The following C11orf97 variants were observed in gnomAD, a reference collection of about 807,000 sequenced individuals.
The protein encoded by C11orf97 is chromosome 11 open reading frame 97.
Under a neutral mutation model 16.2 loss-of-function variants are expected in C11orf97, and 15 were observed. That is an observed-to-expected ratio of 0.93 (90% confidence interval 0.62 to 1.43). The LOEUF is 1.43. Ranked by LOEUF, C11orf97 falls within the 40% of genes most tolerant of loss-of-function variation. The pLI, the probability that C11orf97 is intolerant of heterozygous loss-of-function variation, is 0.00. For synonymous variants in C11orf97, 61 were observed against 65.7 expected (o/e 0.93, Z 0.34); for missense variants, 171 against 161.2 (o/e 1.06, Z -0.33).
chr11:94,532,022 T>G lies in C11orf97; in HGVS notation c.*122T>G. 1 of 681,724 alleles carries G rather than the reference T, an allele frequency of 1.5e-6. No individual in the cohort carries two copies. The highest frequency in any genetic ancestry group is 2.3e-6 in the Non-Finnish European group (1 of 443,200). The allele number at this position is 681,724 out of a possible 1,614,324, so 42.2% of individuals were successfully genotyped here. On this transcript the variant is annotated 3_prime_UTR_variant, in exon 4 of 4. Transcript: ENST00000542198. ...CAAAAAAATGATAGCCTGTAATTAC[T>G]ATTATTGGTATTAATACCTATCTAT...
In C11orf97 at chr11:94,524,515, A is replaced by G. The variant is rs543247272; in HGVS notation, c.251-3569A>G. Among the ~76,000 whole-genome samples the G allele has an allele frequency of 4.0e-5, 6 of 149,736 alleles. No individual in the cohort carries two copies. The South Asian group carries it at 1.1e-3, about 27-fold the overall frequency. ...CAAATTTGAGGTAAAAACAGGTTTC[A>G]GAGGCTTTCTGCATTCCTATCAGAT... On this transcript the variant is annotated intron_variant, in intron 2 of 3. Coordinates refer to ENST00000542198, the MANE Select transcript of C11orf97 (RefSeq NM_001190462.2).
chr11:94,515,569 T>C (rs1211907156), intron 1 of C11orf97, among the ~76,000 whole-genome samples: 2 of 151,346 alleles, frequency 1.3e-5, no homozygotes, highest in African/African-American at 4.9e-5. Context: ...CTTCCTTTCC[T>C]TTTCCTTCCT....
At chr11:94,513,063 G>T (rs771158296) in intron 1 of C11orf97, among the ~76,000 whole-genome samples, 9 of 152,058 alleles carry the variant, frequency 5.9e-5, no homozygotes, top group Non-Finnish European at 1.2e-4. Context: ...AGCTCATTTT[G>T]CCAGTTATTT....
In C11orf97 at chr11:94,532,045, T is replaced by A; in HGVS notation, c.*145T>A. ...ACTATTATTGGTATTAATACCTATC[T>A]ATAAATTAATCCAAAGTAATGAAAG... is the stretch of plus-strand genomic sequence containing the variant. On this transcript the variant is annotated 3_prime_UTR_variant, in exon 4 of 4. Transcript: ENST00000542198. The A allele has an allele frequency of 2.0e-6, 1 of 487,904 alleles. No homozygotes were observed. Among genetic ancestry groups the A allele is most frequent in the Non-Finnish European group, 3.3e-6 (1 of 301,092 alleles). 30.2% of individuals were successfully genotyped at this position (487,904 alleles called of 1,614,324 possible).
intron 2 of C11orf97, among the ~76,000 whole-genome samples, chr11:94,519,856 G>T (rs1433740518): frequency 1.3e-5 from 2 of 152,174 alleles, no homozygotes; most frequent in African/African-American, 4.8e-5. Flanking sequence ...TCTAGAGAGG[G>T]TGCCACACTC....
chr11:94,519,190 G>A (rs1022423985), intron 2 of C11orf97, among the ~76,000 whole-genome samples: 1 of 152,182 alleles, frequency 6.6e-6, no homozygotes, highest in Non-Finnish European at 1.5e-5. Context: ...TTACAGGCAT[G>A]AGCCACCACG....
intron 2 of C11orf97, among the ~76,000 whole-genome samples, chr11:94,519,802 A>T (rs1947643541): frequency 6.6e-6 from 1 of 152,224 alleles, no homozygotes; most frequent in Non-Finnish European, 1.5e-5. Flanking sequence ...AATATATATC[A>T]TGGCTAGAAG....
intron 2 of C11orf97, among the ~76,000 whole-genome samples, chr11:94,522,305 A>T (rs2135181459): frequency 6.6e-6 from 1 of 152,206 alleles, no homozygotes; most frequent in Non-Finnish European, 1.5e-5. Context: ...GGAGGCTGAG[A>T]CGGGCGTATC....
intron 1 of C11orf97, among the ~76,000 whole-genome samples, chr11:94,515,415 C>A (rs509723): frequency 0.69 from 104,438 of 151,998 alleles, 36,262 homozygotes; most frequent in African/African-American, 0.79. Flanking sequence ...GCTTCTCATC[C>A]TCTATACACA....
intron 1 of C11orf97, among the ~76,000 whole-genome samples, chr11:94,514,320 A>C (rs1469427036): frequency 1.3e-5 from 2 of 152,122 alleles, no homozygotes; most frequent in African/African-American, 2.4e-5. Flanking sequence ...AAGCTCACAA[A>C]GTTGGGGTGG....
At chr11:94,518,985 T>G (rs553120151) in intron 2 of C11orf97, among the ~76,000 whole-genome samples, 1 of 152,148 alleles carries the variant, frequency 6.6e-6, no homozygotes, top group South Asian at 2.1e-4. Flanking sequence ...CTCTGCTCAC[T>G]GCAACCTCTG....
At position 94,528,145 on chromosome 11, in the gene C11orf97, A is replaced by G; in HGVS notation, c.312A>G (p.Gly104=). 6.5e-7 allele frequency: 1 copy of G among 1,536,008 alleles called. No homozygotes were observed. The highest frequency in any genetic ancestry group is 8.7e-7 in the Non-Finnish European group (1 of 1,146,792). ...TGCCTGTGGGAGGCTTGAAGCCAGG[A>G]CTGCCGAGCAGAAACAGTTTATTGC... ...RNLPVGGLKP[G]LPSRNSLLPQ... is the part of the protein sequence containing the mutation. The change falls in exon 3 of 4, where the codon GGA becomes GGG. Residue 104 remains glycine, a synonymous_variant. Transcript: ENST00000542198.
At chr11:94,513,954 C>T (rs1385191690) in intron 1 of C11orf97, among the ~76,000 whole-genome samples, 2 of 152,156 alleles carry the variant, frequency 1.3e-5, no homozygotes, top group Non-Finnish European at 2.9e-5. Context: ...ATTACAGGCA[C>T]ACACCACCAT....
At chr11:94,517,526 G>A in intron 1 of C11orf97, 57 bp from the exon 2 acceptor site, 2 of 1,017,570 alleles carry the variant, frequency 2.0e-6, no homozygotes, top group Non-Finnish European at 2.8e-6. Context: ...AGATATAATG[G>A]CTAGAAGATT....
At chr11:94,526,677 A>C (rs1285315455) in intron 2 of C11orf97, among the ~76,000 whole-genome samples, 1 of 152,202 alleles carries the variant, frequency 6.6e-6, no homozygotes, top group East Asian at 1.9e-4. Flanking sequence ...GAGGCTGGGG[A>C]GCAGCCCTTT....
intron 2 of C11orf97, among the ~76,000 whole-genome samples, chr11:94,520,107 T>C (rs2135180158): frequency 1.3e-5 from 2 of 152,356 alleles, no homozygotes; most frequent in South Asian, 4.1e-4. Context: ...ACTTCTCCTT[T>C]GCTACTTCAC....
intron 1 of C11orf97, 69 bp downstream of exon 1, chr11:94,512,742 G>A (rs1470305598): frequency 8.1e-6 from 10 of 1,230,526 alleles, no homozygotes; most frequent in South Asian, 4.0e-5. Flanking sequence ...AGGGCAATTG[G>A]GGGAAACCGC....
chr11:94,526,119 G>A (rs946960843), intron 2 of C11orf97, among the ~76,000 whole-genome samples: 3 of 152,080 alleles, frequency 2.0e-5, no homozygotes, highest in Non-Finnish European at 4.4e-5. Flanking sequence ...CTCCGTGCCC[G>A]CTTTGTCTGC....
intron 3 of C11orf97, among the ~76,000 whole-genome samples, chr11:94,530,269 G>A (rs1318278989): frequency 6.6e-6 from 1 of 152,084 alleles, no homozygotes; most frequent in Non-Finnish European, 1.5e-5. Context: ...CCCTTACAGT[G>A]GTCATGTTAC....
Sources: allele counts gnomAD v4.1 joint callset (sites outside exome capture counted in the v4.1 genomes callset), GRCh38; gene constraint gnomAD v4.1.1; transcripts MANE v1.5; gene names NCBI Gene and HGNC (gene_info 2026-07-23, HGNC 2026-07-21).